Variants in PTPRO observed in about 807,000 individuals in gnomAD.
PTPRO encodes the protein protein tyrosine phosphatase receptor type O, also known as receptor-type tyrosine-protein phosphatase O.
In PTPRO, 62 loss-of-function variants were observed where a neutral mutation model predicts 145.2. That is an observed-to-expected ratio of 0.43 (90% CI 0.35 to 0.53). PTPRO has a LOEUF of 0.53. Ranked by LOEUF, PTPRO falls within the 20% of genes least tolerant of loss-of-function variation. The probability of loss-of-function intolerance (pLI) is 0.01; values close to 1 mark genes in which losing one functional copy is unlikely to be tolerated. For missense variants in PTPRO, 1,345 were observed against 1,482.7 expected (o/e 0.91, Z 1.53); for synonymous variants, 565 against 514.7 (o/e 1.10, Z -1.32).
At chr12:15,537,492 C>T (rs1200613273) in intron 12 of PTPRO, among the ~76,000 whole-genome samples, 2 of 151,944 alleles carry the variant, frequency 1.3e-5, no homozygotes. Flanking sequence ...TTGTCCAGGT[C>T]AAACCTGTGA....
intron 1 of PTPRO, among the ~76,000 whole-genome samples, chr12:15,451,395 T>A (rs1242716877): frequency 6.6e-6 from 1 of 152,140 alleles, no homozygotes; most frequent in Non-Finnish European, 1.5e-5. Context: ...ATAATAATGG[T>A]GGGAGACTTC....
chr12:15,518,554 C>T (rs745725641), intron 9 of PTPRO, among the ~76,000 whole-genome samples: 1 of 152,206 alleles, frequency 6.6e-6, no homozygotes, highest in Non-Finnish European at 1.5e-5. Context: ...CATTGTCAAG[C>T]TGCAAATTTT....
intron 10 of PTPRO, among the ~76,000 whole-genome samples, chr12:15,521,918 T>C (rs943866946): frequency 6.6e-6 from 1 of 152,210 alleles, no homozygotes; most frequent in Non-Finnish European, 1.5e-5. Flanking sequence ...CAATAAACTA[T>C]GGTTAATAGA....
At chr12:15,538,381 C>T (rs535796704) in intron 12 of PTPRO, among the ~76,000 whole-genome samples, 41 of 152,166 alleles carry the variant, frequency 2.7e-4, no homozygotes, top group African/African-American at 8.9e-4. Flanking sequence ...CGCACCACCA[C>T]GCCTGGCTAA....
At position 15,393,912 on chromosome 12, in the gene PTPRO, A is replaced by G. The variant is rs574502004; in HGVS notation, c.75+71111A>G. Among the ~76,000 whole-genome samples the G allele has an allele frequency of 7.9e-5, 12 of 152,318 alleles. 1 individual carries two copies. The South Asian group carries it at 2.5e-3, about 32-fold the overall frequency. On this transcript the variant is annotated intron_variant, in intron 1 of 26. Transcript: ENST00000281171. The stretch of plus-strand genomic sequence containing the variant: ...TCTTGCAGGTGAAGGGGGACTCTGC[A>G]GAGCCCAGAGGCTATGCAGGGCATC...
chr12:15,388,327 G>A (rs1939087989), intron 1 of PTPRO, among the ~76,000 whole-genome samples: 1 of 152,016 alleles, frequency 6.6e-6, no homozygotes, highest in Non-Finnish European at 1.5e-5. Context: ...ACTTCTTTTA[G>A]ATAATATAGA....
rs529114457 is a variant in PTPRO, at chr12:15,498,418, C to A, written c.508+1015C>A. Among the ~76,000 whole-genome samples, 17 of 152,064 alleles carry A rather than the reference C, an allele frequency of 1.1e-4. No individual in the cohort carries two copies. The South Asian group carries it at 3.5e-3, about 32-fold the overall frequency. On this transcript the variant is annotated intron_variant, in intron 3 of 26. Coordinates refer to ENST00000281171, the MANE Select transcript of PTPRO (RefSeq NM_030667.3). ...AAAACATACAAAAAATCTAGCCGGG[C>A]GTGGTGGCGGGCGCCTGTAGTCCCA... is the stretch of plus-strand genomic sequence containing the variant.
At chr12:15,580,524 G>A (rs1021088855) in intron 21 of PTPRO, among the ~76,000 whole-genome samples, 173 bp from the exon 22 acceptor site, 7 of 152,218 alleles carry the variant, frequency 4.6e-5, no homozygotes. Context: ...ACTAATTATG[G>A]TCAGTTATTC....
intron 7 of PTPRO, among the ~76,000 whole-genome samples, chr12:15,509,589 C>G (rs1214451112): frequency 1.3e-5 from 2 of 149,466 alleles, no homozygotes; most frequent in Admixed American, 6.8e-5. Context: ...CCCAGCTACT[C>G]GGGAAGCTGA....
intron 1 of PTPRO, among the ~76,000 whole-genome samples, chr12:15,428,733 T>C (rs1013411951): frequency 3.3e-5 from 5 of 152,148 alleles, no homozygotes; most frequent in Non-Finnish European, 7.4e-5. Flanking sequence ...GGAATGGTGC[T>C]CCTTGGTGTC....
At chr12:15,514,451 C>CAAAAAAAAAAA (rs71438353) in intron 7 of PTPRO, among the ~76,000 whole-genome samples, 2 of 68,924 alleles carry the variant, frequency 2.9e-5, no homozygotes, top group Non-Finnish European at 5.7e-5. Context: ...GACTCTGTCT[C>CAAAAAAAAAAA]AAAAAAAAAA....
chr12:15,345,130 C>G (rs1867153788), intron 1 of PTPRO, among the ~76,000 whole-genome samples: 2 of 152,124 alleles, frequency 1.3e-5, no homozygotes, highest in Non-Finnish European at 2.9e-5. Context: ...ATACATAAAT[C>G]ACTGGAATGT....
In PTPRO at chr12:15,484,158, G is replaced by A. The variant is rs148311009; in HGVS notation, c.260G>A (p.Ser87Asn). 3.7e-5 allele frequency: 59 copies of A among 1,613,504 alleles called. No individual in the cohort carries two copies. Among genetic ancestry groups the A allele is most frequent in the African/African-American group, 2.7e-5 (2 of 74,886 alleles). ...CCTCCTCCTGTTATTTTCAAGGCCA[G>A]TTATCATGGCCTTTATTATATAATC... ...TLPPPVIFKASYHGLYYIITL... is the reference protein window; with the variant it reads ...TLPPPVIFKANYHGLYYIITL... Residue 87 changes from serine to asparagine, a missense_variant, in exon 2 of 27, where the codon AGT (serine) becomes AAT (asparagine). By Grantham distance (46) the Ser-to-Asn change is conservative. This residue lies in a region of PTPRO where 1,130 missense variants were observed against 1,214.7 expected (regional missense o/e 0.93). Transcript: ENST00000281171.
chr12:15,496,153 T>G (rs1311409950), intron 2 of PTPRO, among the ~76,000 whole-genome samples: 19 of 141,536 alleles, frequency 1.3e-4, no homozygotes, highest in Admixed American at 4.3e-4. Context: ...TTTTTTTTTT[T>G]TTTTTTTTTT....
chr12:15,404,367 C>T (rs748161596), intron 1 of PTPRO, among the ~76,000 whole-genome samples: 32 of 152,080 alleles, frequency 2.1e-4, no homozygotes, highest in African/African-American at 5.8e-4. Context: ...TCTGTGATTA[C>T]TCATGGCATT....
chr12:15,347,103 A>C (rs2136225295), intron 1 of PTPRO, among the ~76,000 whole-genome samples: 1 of 152,274 alleles, frequency 6.6e-6, no homozygotes, highest in South Asian at 2.1e-4. Flanking sequence ...ATGATACTCC[A>C]TTCACAAATG....
chr12:15,547,674 C>G (rs1239882584), intron 13 of PTPRO, among the ~76,000 whole-genome samples: 3 of 152,182 alleles, frequency 2.0e-5, no homozygotes, highest in African/African-American at 7.2e-5. Flanking sequence ...TGGAAAATAA[C>G]TGCTCTGCCA....
intron 1 of PTPRO, among the ~76,000 whole-genome samples, chr12:15,462,446 A>T (rs1298135139): frequency 1.3e-5 from 2 of 152,140 alleles, no homozygotes; most frequent in African/African-American, 4.8e-5. Flanking sequence ...TTTAAGTGTC[A>T]TCTTCACCGT....
intron 1 of PTPRO, among the ~76,000 whole-genome samples, chr12:15,436,929 C>T (rs1292790243): frequency 1.3e-5 from 2 of 152,180 alleles, no homozygotes; most frequent in Middle Eastern, 6.8e-3. Flanking sequence ...CAGCCAGGGC[C>T]AGCTTGGCAA....
Sources: allele counts gnomAD v4.1 joint callset (sites outside exome capture counted in the v4.1 genomes callset), GRCh38; gene constraint gnomAD v4.1.1; regional missense constraint gnomAD v4.1.1; transcripts MANE v1.5; gene names NCBI Gene and HGNC (gene_info 2026-07-23, HGNC 2026-07-21).